XRN1: variants seen among roughly 807,000 people sequenced by gnomAD.
The protein encoded by XRN1 is 5'-3' exoribonuclease 1.
A neutral mutation model predicts 222.3 loss-of-function variants in XRN1; 67 were observed. The ratio of observed to expected loss-of-function variants is 0.30; its 90% CI spans 0.25 to 0.37. The LOEUF (loss-of-function observed/expected upper bound fraction) is 0.37, where lower values mean the gene tolerates loss of function less well. Among genes scored for constraint, XRN1 ranks in the 10% least tolerant of loss-of-function variants. XRN1 has a pLI of 1.00. For synonymous variants in XRN1, 643 were observed against 652.4 expected (o/e 0.99, Z 0.22); for missense variants, 1,707 against 2,000.2 (o/e 0.85, Z 2.80).
Position 142,370,489 on chromosome 3 carries a change from C to T in XRN1, c.3200G>A (p.Cys1067Tyr), listed in dbSNP as rs1160504669. ...VEKIEEEVEK[C>Y]KQRKNNKKVR... Reference sequence around the variant, plus strand: ...TTGGTTACTGAAAGTTAGTACCTTGCACTTTTCGACTTCTTCCTCAATTTT... The same window carrying T: ...TTGGTTACTGAAAGTTAGTACCTTGTACTTTTCGACTTCTTCCTCAATTTT... The change falls in exon 27 of 41, where the codon TGC (cysteine) becomes TAC (tyrosine). Residue 1067 changes from cysteine (C) to tyrosine (Y), a missense_variant. Physicochemically the swap from Cys to Tyr is radical, Grantham distance 194. Coordinates refer to ENST00000392981, the MANE Select transcript of XRN1 (RefSeq NM_001282857.2). 6.2e-7 allele frequency: 1 copy of T among 1,604,612 alleles called. No homozygotes were observed. Among genetic ancestry groups the T allele is most frequent in the Middle Eastern group, 1.7e-4 (1 of 6,036 alleles).
intron 20 of XRN1, among the ~76,000 whole-genome samples, chr3:142,385,415 G>C (rs2067460481): frequency 6.6e-6 from 1 of 152,140 alleles, no homozygotes; most frequent in South Asian, 2.1e-4. Context: ...ATCTAAAATA[G>C]GTAAATCCAT....
At chr3:142,411,577 T>C (rs781650384) in intron 15 of XRN1, among the ~76,000 whole-genome samples, 5 of 151,998 alleles carry the variant, frequency 3.3e-5, no homozygotes, top group Non-Finnish European at 5.9e-5. Flanking sequence ...TCCCAAAGTG[T>C]TGGGATTACA....
At position 142,313,092 on chromosome 3, in the gene XRN1, A is replaced by G. The variant is rs1224498448; in HGVS notation, c.4622-334T>C. 3 of 1,576,230 alleles carry G rather than the reference A, an allele frequency of 1.9e-6. No homozygotes were observed. The African/African-American group carries it at 4.1e-5, about 22-fold the overall frequency. ...AAGGGTCATGAAATTGTCCCTTGTG[A>G]GAGAAAAGCTTGGGCACAAATAGAG... On this transcript the variant is annotated intron_variant, in intron 39 of 40. Transcript: ENST00000392981.
At position 142,364,819 on chromosome 3, in the gene XRN1, C is replaced by T. The variant is rs537000772; in HGVS notation, c.3394+228G>A. 4.2e-3 allele frequency among the ~76,000 whole-genome samples: 644 copies of T among 152,036 alleles called. 12 individuals are homozygous for T. Among genetic ancestry groups the T allele is most frequent in the African/African-American group, 0.015 (624 of 41,486 alleles). ...TAAAACTACTAAATTCTCAGCAGCC[C>T]CTTCTCAGTTTCTCCTTTTAATCTC... On this transcript the variant is annotated intron_variant, in intron 29 of 40. Transcript: ENST00000392981.
chr3:142,378,947 C>T (rs536525980), intron 23 of XRN1, among the ~76,000 whole-genome samples: 8 of 151,936 alleles, frequency 5.3e-5, no homozygotes, highest in African/African-American at 9.7e-5. Flanking sequence ...AATATGGAAA[C>T]GAGAAGAGAA....
chr3:142,312,174 G>C (rs2065095343), intron 40 of XRN1, among the ~76,000 whole-genome samples: 1 of 152,090 alleles, frequency 6.6e-6, no homozygotes, highest in Non-Finnish European at 1.5e-5. Context: ...GTACTCGGGA[G>C]TCTAAGATGG....
chr3:142,405,540 T>C (rs2068307000), intron 15 of XRN1, among the ~76,000 whole-genome samples: 1 of 152,112 alleles, frequency 6.6e-6, no homozygotes, highest in African/African-American at 2.4e-5. Context: ...AAGAATAAGA[T>C]ACCAGTGTTA....
rs2067427240 is a variant in XRN1 at position 142,384,589 on chromosome 3, A to G, written c.2436T>C (p.Gly812=). 1.2e-6 allele frequency: 2 copies of G among 1,613,296 alleles called. No homozygotes were observed. The highest frequency in any genetic ancestry group is 2.7e-5 in the African/African-American group (2 of 75,024). ...TGRKYQINQN[G]EVRLEKQWSK... The stretch of plus-strand genomic sequence containing the variant: ...ACCACTGTTTCTCTAGACGAACTTC[A>G]CCATTTTGATTTATTTGATATTTAC... The change falls in exon 21 of 41, where the codon GGT becomes GGC. Residue 812 remains glycine (G), a synonymous_variant. Transcript: ENST00000392981.
rs1577191000 is a variant in XRN1, at chr3:142,307,355, G to A, written c.*4156C>T. 1 of 151,684 alleles carries A rather than the reference G, an allele frequency of 6.6e-6. No homozygotes were observed. The highest frequency in any genetic ancestry group is 6.6e-5 in the Admixed American group (1 of 15,232). 9.4% of individuals were successfully genotyped at this position (151,684 alleles called of 1,614,324 possible). On this transcript the variant is annotated 3_prime_UTR_variant, in exon 41 of 41. Transcript: ENST00000392981. The stretch of plus-strand genomic sequence containing the variant: ...GCTGAAACAACCAAGTGCAGTTGGT[G>A]TACGGCTGGAGGGAAAAAAAAAAAG...
intron 21 of XRN1, among the ~76,000 whole-genome samples, chr3:142,383,972 TA>T (rs2067396756): frequency 6.6e-6 from 1 of 151,410 alleles, no homozygotes; most frequent in African/African-American, 2.4e-5. Context: ...TCTAAGTCCT[TA>T]AAAAAAACCA....
chr3:142,362,715 TCTTC>T (rs2066684445), intron 29 of XRN1, among the ~76,000 whole-genome samples: 1 of 150,512 alleles, frequency 6.6e-6, no homozygotes, highest in South Asian at 2.1e-4. Context: ...TTTCTTTCTT[TCTTC>T]CCTTCTTCTC....
Position 142,418,885 on chromosome 3 carries a change from TAAATTGTA to T in XRN1, c.1174-12_1174-5del. On this transcript the variant is annotated splice_region_variant and splice_polypyrimidine_tract_variant and intron_variant, in intron 10 of 40. Coordinates refer to ENST00000392981, the MANE Select transcript of XRN1 (RefSeq NM_001282857.2). Reference sequence around the variant, plus strand: ...AACACAGAGAATTTTCCTGGCCCTGTAAATTGTAAATCAACATAAAATGAATGGCAAGA... The same window carrying T: ...AACACAGAGAATTTTCCTGGCCCTGTAATCAACATAAAATGAATGGCAAGA... The T allele has an allele frequency of 6.2e-7, 1 of 1,613,400 alleles. No individual in the cohort carries two copies. Among genetic ancestry groups the T allele is most frequent in the East Asian group, 2.2e-5 (1 of 44,818 alleles).
At chr3:142,372,424 T>C (rs554076171) in intron 25 of XRN1, among the ~76,000 whole-genome samples, 2 of 152,180 alleles carry the variant, frequency 1.3e-5, no homozygotes, top group African/African-American at 2.4e-5. Flanking sequence ...GAAAGCAGAA[T>C]TGGGCACAGG....
intron 2 of XRN1, among the ~76,000 whole-genome samples, chr3:142,428,302 G>GGAGATTC (rs1398460450): frequency 6.7e-6 from 1 of 150,330 alleles, no homozygotes; most frequent in African/African-American, 2.5e-5. Flanking sequence ...GGCTGAGACA[G>GGAGATTC]GAGATTCGCT....
At chr3:142,367,555 A>AT (rs1371765380) in intron 27 of XRN1, among the ~76,000 whole-genome samples, 2 of 149,208 alleles carry the variant, frequency 1.3e-5, no homozygotes, top group African/African-American at 2.5e-5. Flanking sequence ...TTTTTTTTTT[A>AT]TTTTTTTTGA....
rs1400303326 is a variant in XRN1 at position 142,370,680 on chromosome 3, TAAAAG to T, written c.3069-65_3069-61del. ...AAAACTTTCTCAGGGCTATAAATTATAAAAGACATAAAACTTATATAACTAATAAT... is the reference window on the plus strand; with the variant it reads ...AAAACTTTCTCAGGGCTATAAATTATACATAAAACTTATATAACTAATAAT... On this transcript the variant is annotated intron_variant, in intron 26 of 40. Coordinates refer to ENST00000392981, the MANE Select transcript of XRN1 (RefSeq NM_001282857.2). The T allele has an allele frequency of 1.6e-5, 23 of 1,408,424 alleles. No homozygotes were observed. The East Asian group carries it at 4.3e-4, about 26-fold the overall frequency. The allele number at this position is 1,408,424 out of a possible 1,614,324, so 87.2% of individuals were successfully genotyped here.
chr3:142,347,320 A>G lies in XRN1; in HGVS notation c.3791T>C (p.Ile1264Thr), dbSNP rs2066173292. ...TTTATGATGTTGATTTACTTGGCTTATTTCTTGAGGTAGAACTGCACCCTG... is the reference window on the plus strand; with the variant it reads ...TTTATGATGTTGATTTACTTGGCTTGTTTCTTGAGGTAGAACTGCACCCTG... ...QEKGAVLPQE[I>T]SQVNQHHKSG... Residue 1264 changes from isoleucine (I) to threonine (T), a missense_variant, in exon 33 of 41, where the codon ATA becomes ACA. Transcript: ENST00000392981. The G allele has an allele frequency of 6.2e-7, 1 of 1,606,170 alleles. No individual in the cohort carries two copies. The highest frequency in any genetic ancestry group is 8.5e-7 in the Non-Finnish European group (1 of 1,176,234).
intron 40 of XRN1, 99 bp downstream of exon 40, chr3:142,312,499 T>C (rs901012819): frequency 8.0e-7 from 1 of 1,249,830 alleles, no homozygotes. Flanking sequence ...GTACTGAACT[T>C]CTAGTTGGCA....
At chr3:142,313,306 G>T in intron 39 of XRN1, 2 of 1,011,248 alleles carry the variant, frequency 2.0e-6, no homozygotes, top group Non-Finnish European at 3.0e-6. Flanking sequence ...TATTAAAAAT[G>T]TAATGAACCA....
Sources: gnomAD v4.1 joint callset for allele counts (sites outside exome capture counted in the v4.1 genomes callset) on GRCh38, gnomAD v4.1.1 for gene constraint, MANE v1.5 for transcripts, NCBI Gene and HGNC (gene_info 2026-07-23, HGNC 2026-07-21) for gene names.